DLG2: variants seen among roughly 807,000 people sequenced by gnomAD.
The protein encoded by DLG2 is disks large homolog 2.
DLG2 carries 45 observed loss-of-function variants against 132.5 expected under a neutral mutation model. The observed-to-expected ratio is 0.34, with a 90% CI of 0.27 to 0.44. The LOEUF (loss-of-function observed/expected upper bound fraction) is 0.44, where lower values mean the gene tolerates loss of function less well. Among genes scored for constraint, DLG2 ranks in the 20% least tolerant of loss-of-function variants. The pLI is 1.00. For missense variants in DLG2, 1,045 were observed against 1,196.9 expected (o/e 0.87, Z 1.87); for synonymous variants, 424 against 419.6 (o/e 1.01, Z -0.13).
At chr11:83,771,606 G>T (rs967003973) in intron 18 of DLG2, among the ~76,000 whole-genome samples, 1 of 152,088 alleles carries the variant, frequency 6.6e-6, no homozygotes, top group Non-Finnish European at 1.5e-5. Flanking sequence ...GTAACACAAC[G>T]TAAGTATTTG....
At chr11:84,560,652 A>T (rs963924693) in intron 6 of DLG2, among the ~76,000 whole-genome samples, 1 of 152,126 alleles carries the variant, frequency 6.6e-6, no homozygotes, top group African/African-American at 2.4e-5. Context: ...GGTTAAAATC[A>T]ACAGAAAATC....
intron 18 of DLG2, among the ~76,000 whole-genome samples, chr11:83,669,377 T>C (rs1417381885): frequency 6.6e-6 from 1 of 152,198 alleles, no homozygotes; most frequent in Non-Finnish European, 1.5e-5. Flanking sequence ...CTGCTGTGTC[T>C]CATGGAAGGT....
At chr11:85,180,784 G>A (rs1449563835) in intron 4 of DLG2, among the ~76,000 whole-genome samples, 1 of 151,806 alleles carries the variant, frequency 6.6e-6, no homozygotes, top group African/African-American at 2.4e-5. Flanking sequence ...CACAAAAGCA[G>A]AGACTTGTCC....
chr11:85,307,218 A>C (rs769758637), intron 3 of DLG2, among the ~76,000 whole-genome samples: 1 of 152,332 alleles, frequency 6.6e-6, no homozygotes, highest in South Asian at 2.1e-4. Context: ...TGTCAAAACA[A>C]CACCACCAAA....
chr11:85,234,526 A>G (rs941373868), intron 4 of DLG2, among the ~76,000 whole-genome samples: 1 of 152,064 alleles, frequency 6.6e-6, no homozygotes. Flanking sequence ...CCTGATCAAC[A>G]GAAAGTGCCT....
rs562583205 is a variant in DLG2 at position 84,595,328 on chromosome 11, G to T, written c.358-60597C>A. 8.6e-4 allele frequency among the ~76,000 whole-genome samples: 131 copies of T among 152,090 alleles called. 2 individuals carry two copies. Among genetic ancestry groups the T allele is most frequent in the South Asian group, 6.6e-3 (32 of 4,822 alleles). On this transcript the variant is annotated intron_variant, in intron 6 of 27. Transcript: ENST00000376104. ...GGGTTTTGCTATGTTGCCCAGGATT[G>T]TCTCAAACTCTTGGGCTCAAGTGAT...
At chr11:85,080,375 T>C (rs1283764515) in intron 6 of DLG2, among the ~76,000 whole-genome samples, 1 of 152,146 alleles carries the variant, frequency 6.6e-6, no homozygotes, top group African/African-American at 2.4e-5. Flanking sequence ...GACATAAGCT[T>C]TGTCTAGTTT....
rs527545386 is a variant in DLG2, at chr11:84,733,648, C to G, written c.358-198917G>C. On this transcript the variant is annotated intron_variant, in intron 6 of 27. Transcript: ENST00000376104. ...CAGAAGCTCTTTAGTTTAATTAAAT[C>G]CCATTTGTCAATTTTGGCTTTTGTT... Among the ~76,000 whole-genome samples, 17 of 152,260 alleles carry G rather than the reference C, an allele frequency of 1.1e-4. No homozygotes were observed. In the East Asian group the frequency reaches 3.3e-3, roughly 29 times the overall value.
chr11:85,412,725 T>TCACACACACA (rs542505541), intron 3 of DLG2, among the ~76,000 whole-genome samples: 1,903 of 92,116 alleles, frequency 0.021, 52 homozygotes, highest in African/African-American at 0.049. Context: ...GAGCAGTATT[T>TCACACACACA]CACACACACA....
At chr11:84,868,477 G>C (rs914252415) in intron 6 of DLG2, among the ~76,000 whole-genome samples, 2 of 152,086 alleles carry the variant, frequency 1.3e-5, no homozygotes, top group African/African-American at 4.8e-5. Context: ...AGTTTTAAAA[G>C]TCTATTTCGT....
At chr11:85,392,698 C>T (rs961869305) in intron 3 of DLG2, among the ~76,000 whole-genome samples, 1 of 152,068 alleles carries the variant, frequency 6.6e-6, no homozygotes, top group Non-Finnish European at 1.5e-5. Flanking sequence ...TTCAACAAAG[C>T]AGACAAAATC....
At chr11:84,949,863 A>G (rs778795567) in intron 6 of DLG2, among the ~76,000 whole-genome samples, 3 of 152,234 alleles carry the variant, frequency 2.0e-5, no homozygotes, top group Non-Finnish European at 4.4e-5. Flanking sequence ...AGATTAAATT[A>G]AAGACAGGCA....
chr11:84,164,377 C>T (rs867969479), intron 8 of DLG2, among the ~76,000 whole-genome samples: 14 of 152,256 alleles, frequency 9.2e-5, no homozygotes, highest in South Asian at 4.1e-4. Context: ...ATTTCTGATA[C>T]GTGTCTTGGC....
intron 6 of DLG2, among the ~76,000 whole-genome samples, chr11:85,012,320 A>T (rs12294304): frequency 6.6e-5 from 3 of 45,386 alleles, no homozygotes; most frequent in South Asian, 6.7e-4. Context: ...AGGTCAGGAG[A>T]TCGAGACCAT....
At chr11:85,567,529 T>C (rs1228569673) in intron 3 of DLG2, among the ~76,000 whole-genome samples, 1 of 152,188 alleles carries the variant, frequency 6.6e-6, no homozygotes, top group Non-Finnish European at 1.5e-5. Context: ...GCTCTACTCA[T>C]TTTTTTGTAG....
At chr11:84,729,372 A>G (rs2062876093) in intron 6 of DLG2, among the ~76,000 whole-genome samples, 1 of 152,040 alleles carries the variant, frequency 6.6e-6, no homozygotes, top group African/African-American at 2.4e-5. Context: ...TTCAGTTTCC[A>G]TGTAGTTGTG....
chr11:83,527,266 G>A (rs2095631757), intron 21 of DLG2, among the ~76,000 whole-genome samples: 2 of 152,122 alleles, frequency 1.3e-5, no homozygotes, highest in African/African-American at 4.8e-5. Flanking sequence ...AATTGCACAA[G>A]TGTTACATGA....
At chr11:85,500,445 G>A (rs1375469391) in intron 3 of DLG2, among the ~76,000 whole-genome samples, 3 of 146,208 alleles carry the variant, frequency 2.1e-5, no homozygotes, top group Non-Finnish European at 4.4e-5. Context: ...AATGCTAGAT[G>A]ACACATTAGT....
chr11:84,630,979 T>TTCTCTCTCTCTC (rs369904915), intron 6 of DLG2, among the ~76,000 whole-genome samples: 102 of 51,182 alleles, frequency 2.0e-3, no homozygotes, highest in Middle Eastern at 0.012. Context: ...TTAAATGCAT[T>TTCTCTCTCTCTC]TCTCTCTCTC....
Sources: gnomAD v4.1 joint callset for allele counts (sites outside exome capture counted in the v4.1 genomes callset) on GRCh38, gnomAD v4.1.1 for gene constraint, MANE v1.5 for transcripts, NCBI Gene and HGNC (gene_info 2026-07-23, HGNC 2026-07-21) for gene names.